TLE4: variants seen among roughly 807,000 people sequenced by gnomAD.
The protein encoded by TLE4 is TLE family member 4, transcriptional corepressor, also known as transducin-like enhancer protein 4.
A neutral mutation model predicts 92.8 loss-of-function variants in TLE4; 8 were observed. That is an observed-to-expected ratio of 0.09 (90% CI 0.05 to 0.16). The LOEUF is 0.16. Among genes scored for constraint, TLE4 ranks in the 10% least tolerant of loss-of-function variants. The pLI, the probability that TLE4 is intolerant of heterozygous loss-of-function variation, is 1.00. For synonymous variants in TLE4, 371 were observed against 374.1 expected (o/e 0.99, Z 0.10); for missense variants, 675 against 997.6 (o/e 0.68, Z 4.36).
At chr9:79,702,875 T>C (rs2070362093) in intron 8 of TLE4, among the ~76,000 whole-genome samples, 1 of 152,126 alleles carries the variant, frequency 6.6e-6, no homozygotes, top group Admixed American at 6.5e-5. Context: ...TTCTTAACAA[T>C]GTGCTTTGGA....
chr9:79,666,278 A>G (rs2061405837), intron 8 of TLE4, among the ~76,000 whole-genome samples: 1 of 133,380 alleles, frequency 7.5e-6, no homozygotes, highest in Non-Finnish European at 1.5e-5. Context: ...CTGCTGCTGG[A>G]GTGCAGTGTC....
chr9:79,627,733 A>C, intron 6 of TLE4: 1 of 367,832 alleles, frequency 2.7e-6, no homozygotes, highest in Non-Finnish European at 4.9e-6. Flanking sequence ...TGTGTTGCTA[A>C]CCTAGGCCAA....
chr9:79,674,701 A>G (rs1056788406), intron 8 of TLE4, among the ~76,000 whole-genome samples: 1 of 152,070 alleles, frequency 6.6e-6, no homozygotes. Context: ...GTGGGGCGGG[A>G]TGTTTTAATA....
intron 7 of TLE4, among the ~76,000 whole-genome samples, chr9:79,653,491 T>C (rs1331901140): frequency 6.6e-6 from 1 of 152,212 alleles, no homozygotes; most frequent in Non-Finnish European, 1.5e-5. Flanking sequence ...GACTGTTGTT[T>C]TTCTTTGGTG....
chr9:79,613,816 G>A (rs1017880035), intron 5 of TLE4, among the ~76,000 whole-genome samples: 1 of 152,094 alleles, frequency 6.6e-6, no homozygotes, highest in African/African-American at 2.4e-5. Context: ...TCTTTGGTCT[G>A]GACTGGGTTA....
chr9:79,636,761 G>A (rs1200771615), intron 6 of TLE4, among the ~76,000 whole-genome samples: 1 of 152,142 alleles, frequency 6.6e-6, no homozygotes, highest in Non-Finnish European at 1.5e-5. Context: ...CCCTTGACTA[G>A]CTAGTGAAAT....
At chr9:79,649,228 G>A (rs755009823) in intron 6 of TLE4, among the ~76,000 whole-genome samples, 14 of 151,312 alleles carry the variant, frequency 9.3e-5, no homozygotes, top group Admixed American at 6.6e-5. Flanking sequence ...CTCAGTGTTT[G>A]AAGAAGTTTG....
At chr9:79,691,783 T>C (rs1484111629) in intron 8 of TLE4, among the ~76,000 whole-genome samples, 1 of 152,252 alleles carries the variant, frequency 6.6e-6, no homozygotes, top group Non-Finnish European at 1.5e-5. Flanking sequence ...GCAGAAGCGT[T>C]TCCTGACCAC....
At chr9:79,715,366 A>G (rs1057166254) in intron 14 of TLE4, among the ~76,000 whole-genome samples, 1 of 152,032 alleles carries the variant, frequency 6.6e-6, no homozygotes, top group Non-Finnish European at 1.5e-5. Context: ...TTTCTCGGCC[A>G]TCATCCCTCA....
intron 8 of TLE4, among the ~76,000 whole-genome samples, chr9:79,672,305 A>G (rs937831119): frequency 6.6e-6 from 1 of 152,028 alleles, no homozygotes; most frequent in African/African-American, 2.4e-5. Context: ...GTTTTCCCAC[A>G]GGAGAATCCA....
chr9:79,725,133 G>A lies in TLE4; in HGVS notation c.2311G>A (p.Val771Ile). The A allele has an allele frequency of 1.2e-6, 2 of 1,612,906 alleles. No homozygotes were observed. Among genetic ancestry groups the A allele is most frequent in the East Asian group, 2.2e-5 (1 of 44,848 alleles). The change falls in exon 20 of 20, where the codon GTT becomes ATT. Residue 771 changes from valine (V) to isoleucine (I), a missense_variant. Physicochemically the swap from Val to Ile is conservative, Grantham distance 29. Around this residue, in one of 5 missense-constraint regions of TLE4, gnomAD observed 170 missense variants for 359.6 expected, o/e 0.47. Coordinates refer to ENST00000376552, the MANE Select transcript of TLE4 (RefSeq NM_007005.6). ...SGDKKATVYE[V>I]IY The stretch of plus-strand genomic sequence containing the variant: ...GGATAAGAAGGCCACAGTTTATGAA[G>A]TTATTTATTAAAGACAAATCTTCAT...
chr9:79,627,505 T>C (rs2052924249), intron 6 of TLE4, 57 bp downstream of exon 6: 1 of 1,546,064 alleles, frequency 6.5e-7, no homozygotes, highest in Admixed American at 1.7e-5. Context: ...GCTCTCTCGC[T>C]CTCTCTTTTT....
intron 4 of TLE4, among the ~76,000 whole-genome samples, chr9:79,602,325 A>C (rs1299245903): frequency 6.6e-6 from 1 of 152,224 alleles, no homozygotes; most frequent in Non-Finnish European, 1.5e-5. Context: ...TTCTATTGGA[A>C]GAAGATGCCA....
At chr9:79,573,631 C>T (rs1004324473) in intron 1 of TLE4, 58 bp from the exon 2 acceptor site, 29 of 1,409,282 alleles carry the variant, frequency 2.1e-5, no homozygotes, top group Non-Finnish European at 2.6e-5. Context: ...AGGTTTTCTC[C>T]GTCTCCCTGC....
chr9:79,627,412 G>A lies in TLE4; in HGVS notation c.354G>A (p.Lys118=). 1.9e-6 allele frequency: 3 copies of A among 1,614,184 alleles called. No homozygotes were observed. Among genetic ancestry groups the A allele is most frequent in the South Asian group, 1.1e-5 (1 of 91,086 alleles). The change falls in exon 6 of 20, where the codon AAG becomes AAA. Residue 118 remains lysine, a synonymous_variant. Coordinates refer to ENST00000376552, the MANE Select transcript of TLE4 (RefSeq NM_007005.6). ...QQVVQAVERA[K]QVTMAELNAI... ...TGGTGCAGGCTGTGGAACGGGCCAA[G>A]CAGGTGACCATGGCAGAACTGAACG...
At chr9:79,723,090 C>A in intron 19 of TLE4, 55 bp downstream of exon 19, 1 of 1,508,544 alleles carries the variant, frequency 6.6e-7, no homozygotes, top group Non-Finnish European at 9.2e-7. Flanking sequence ...ACTCTCTGTG[C>A]ATTCTCTCAG....
chr9:79,677,796 A>G (rs752628877), intron 8 of TLE4, among the ~76,000 whole-genome samples: 2 of 152,164 alleles, frequency 1.3e-5, no homozygotes, highest in African/African-American at 2.4e-5. Context: ...TTTCACATCT[A>G]TAAAAATGTG....
chr9:79,668,345 G>A (rs2061731892), intron 8 of TLE4, among the ~76,000 whole-genome samples: 1 of 152,236 alleles, frequency 6.6e-6, no homozygotes, highest in Non-Finnish European at 1.5e-5. Flanking sequence ...GAGATGCCAG[G>A]AGGGCTTGGC....
chr9:79,681,417 A>T (rs1429214925), intron 8 of TLE4, among the ~76,000 whole-genome samples: 2 of 152,152 alleles, frequency 1.3e-5, no homozygotes, highest in Non-Finnish European at 2.9e-5. Context: ...TCATATGGTA[A>T]AGAGCTCTTC....
Sources: gnomAD v4.1 joint callset for allele counts (sites outside exome capture counted in the v4.1 genomes callset) on GRCh38, gnomAD v4.1.1 for gene constraint, gnomAD v4.1.1 regional missense constraint, MANE v1.5 for transcripts, NCBI Gene and HGNC (gene_info 2026-07-23, HGNC 2026-07-21) for gene names.